The following PLEKHS1 variants were observed in gnomAD, a reference collection of about 807,000 sequenced individuals.
PLEKHS1 encodes the protein pleckstrin homology domain containing S1, also known as pleckstrin homology domain-containing family S member 1.
In PLEKHS1, 55 loss-of-function variants were observed where a neutral mutation model predicts 51.0. The ratio of observed to expected loss-of-function variants is 1.08; its 90% CI spans 0.87 to 1.35. The LOEUF (loss-of-function observed/expected upper bound fraction) is 1.35. Among genes scored for constraint, PLEKHS1 ranks in the 40% most tolerant of loss-of-function variants. The probability of loss-of-function intolerance (pLI) is 0.00; values close to 1 mark genes in which losing one functional copy is unlikely to be tolerated. For synonymous variants in PLEKHS1, 153 were observed against 144.8 expected, an observed-to-expected ratio of 1.06 and a Z score of -0.41; for missense variants, 398 against 423.0, an observed-to-expected ratio of 0.94 and a Z score of 0.52.
At chr10:113,758,775 C>T (rs758956004) in intron 2 of PLEKHS1, among the ~76,000 whole-genome samples, 1 of 152,158 alleles carries the variant, frequency 6.6e-6, no homozygotes, top group African/African-American at 2.4e-5. Flanking sequence ...AGAACACACA[C>T]AACATTTTTG....
At chr10:113,774,975 C>A (rs1844583090) in exon 10 of PLEKHS1, 5 of 1,614,162 alleles carry the variant, frequency 3.1e-6, no homozygotes, top group Non-Finnish European at 4.2e-6. Context: ...GAAGCACAGA[C>A]CACAAATGAC....
rs564270570 is a variant in PLEKHS1 at position 113,754,618 on chromosome 10, T to C, written c.-19-641T>C. 5.9e-5 allele frequency among the ~76,000 whole-genome samples: 9 copies of C among 152,258 alleles called. No homozygotes were observed. The South Asian group carries it at 8.3e-4, about 14-fold the overall frequency. Reference sequence around the variant, plus strand: ...CTCCTGAGGGATTACAGGCGAGCACTAGGATTACAGGTGCCCACCACCACA... The same window carrying C: ...CTCCTGAGGGATTACAGGCGAGCACCAGGATTACAGGTGCCCACCACCACA... On this transcript the variant is annotated intron_variant, in intron 1 of 11. Coordinates refer to ENST00000361048, the Ensembl canonical transcript of PLEKHS1.
chr10:113,759,727 G>A (rs183212335), intron 2 of PLEKHS1, among the ~76,000 whole-genome samples: 217 of 152,096 alleles, frequency 1.4e-3, no homozygotes, highest in African/African-American at 4.9e-3. Flanking sequence ...CTATTATAAA[G>A]CTAATATGAA....
At chr10:113,776,736 T>C (rs192506834) in intron 11 of PLEKHS1, among the ~76,000 whole-genome samples, 86 of 152,288 alleles carry the variant, frequency 5.6e-4, no homozygotes, top group Admixed American at 1.2e-3. Context: ...AACAAAAAGG[T>C]GACATCATAC....
At chr10:113,763,073 A>G (rs1006498021) in intron 2 of PLEKHS1, among the ~76,000 whole-genome samples, 1 of 152,090 alleles carries the variant, frequency 6.6e-6, no homozygotes, top group Non-Finnish European at 1.5e-5. Context: ...GGATGTGTCC[A>G]TTTATTCATG....
chr10:113,754,819 C>A (rs1455034558), intron 1 of PLEKHS1, among the ~76,000 whole-genome samples: 1 of 152,148 alleles, frequency 6.6e-6, no homozygotes, highest in Non-Finnish European at 1.5e-5. Context: ...AGAAAGCAAG[C>A]CCCTGGGCAT....
chr10:113,776,064 A>T (rs1219857025), intron 11 of PLEKHS1, among the ~76,000 whole-genome samples, 198 bp downstream of exon 11: 1 of 152,188 alleles, frequency 6.6e-6, no homozygotes, highest in Admixed American at 6.5e-5. Flanking sequence ...GTCAGCCTGG[A>T]GGTGAGCAGG....
chr10:113,760,564 T>C (rs1032254802), intron 2 of PLEKHS1, among the ~76,000 whole-genome samples: 1 of 152,232 alleles, frequency 6.6e-6, no homozygotes, highest in Non-Finnish European at 1.5e-5. Context: ...AATGACTAAA[T>C]GTATTGCACA....
At chr10:113,777,890 C>A in intron 11 of PLEKHS1, 1 of 800,342 alleles carries the variant, frequency 1.2e-6, no homozygotes, top group Non-Finnish European at 1.8e-6. Context: ...TTCGGAAGGC[C>A]AAGGCAGGAG....
intron 9 of PLEKHS1, 59 bp from the exon 10 acceptor site, chr10:113,774,767 G>C (rs559965878): frequency 6.0e-6 from 9 of 1,490,816 alleles, no homozygotes; most frequent in Admixed American, 3.4e-5. Flanking sequence ...GACACACACA[G>C]GGGAACACTG....
At chr10:113,773,938 C>A (rs1844531876) in intron 8 of PLEKHS1, among the ~76,000 whole-genome samples, 1 of 152,036 alleles carries the variant, frequency 6.6e-6, no homozygotes, top group East Asian at 1.9e-4. Context: ...TCATTAAGTG[C>A]CGAATGGTGA....
intron 6 of PLEKHS1, 121 bp downstream of exon 6, chr10:113,769,011 T>G: frequency 1.6e-6 from 1 of 611,998 alleles, no homozygotes; most frequent in Non-Finnish European, 2.6e-6. Context: ...AATAAATAAA[T>G]GAGAAAATGT....
chr10:113,768,979 A>G (rs544938725), intron 6 of PLEKHS1, 89 bp downstream of exon 6: 3 of 898,736 alleles, frequency 3.3e-6, no homozygotes, highest in Non-Finnish European at 5.0e-6. Flanking sequence ...TTGCCTCCTT[A>G]GTAACTGGCT....
At chr10:113,752,860 T>C (rs192544824) in intron 1 of PLEKHS1, among the ~76,000 whole-genome samples, 23 of 152,154 alleles carry the variant, frequency 1.5e-4, no homozygotes, top group African/African-American at 5.3e-4. Context: ...GGAGGGCAAA[T>C]GTTATTTGGG....
chr10:113,767,559 T>G, intron 5 of PLEKHS1, 80 bp downstream of exon 5: 1 of 1,379,300 alleles, frequency 7.3e-7, no homozygotes, highest in Non-Finnish European at 9.7e-7. Context: ...TTTATACCAA[T>G]AAACATGTTC....
intron 7 of PLEKHS1, among the ~76,000 whole-genome samples, chr10:113,771,050 C>T (rs908246420): frequency 5.3e-5 from 8 of 152,154 alleles, no homozygotes; most frequent in African/African-American, 1.9e-4. Context: ...TTCCAAACCC[C>T]CTGCTCTGAG....
At chr10:113,768,949 A>G in intron 6 of PLEKHS1, 59 bp downstream of exon 6, 7 of 1,334,144 alleles carry the variant, frequency 5.2e-6, no homozygotes, top group Non-Finnish European at 7.3e-6. Flanking sequence ...CTTTCAATAG[A>G]AAACAATGGT....
rs761149997 is a variant in PLEKHS1 at position 113,772,059 on chromosome 10, T to C, written c.642T>C (p.His214=). ...CTCAAGATGTGAAGGAAGAGAATCA[T>C]TATCTTACTCCTCGAAGTGTTCTTT... Residue 214 remains histidine (H), a synonymous_variant, in exon 8 of 12, where the codon CAT becomes CAC. Transcript: ENST00000361048. 25 of 1,613,434 alleles carry C rather than the reference T, an allele frequency of 1.5e-5. No individual in the cohort carries two copies. The Admixed American group carries it at 4.0e-4, about 26-fold the overall frequency.
At chr10:113,777,384 G>A (rs1358522654) in intron 11 of PLEKHS1, 125 bp downstream of exon 12, 4 of 1,609,974 alleles carry the variant, frequency 2.5e-6, no homozygotes, top group Non-Finnish European at 3.4e-6. Context: ...CCACCATCAA[G>A]TGCAAATAAC....
Sources: allele counts gnomAD v4.1 joint callset (sites outside exome capture counted in the v4.1 genomes callset), GRCh38; gene constraint gnomAD v4.1.1; transcripts MANE v1.5; gene names NCBI Gene and HGNC (gene_info 2026-07-23, HGNC 2026-07-21).